The following WWC1 variants were observed in gnomAD, a reference collection of about 807,000 sequenced individuals.
WWC1 encodes WW and C2 domain containing 1.
In WWC1, 55 loss-of-function variants were observed where a neutral mutation model predicts 138.4. That is an observed-to-expected ratio of 0.40 (90% CI 0.32 to 0.50). The LOEUF is 0.50. Among genes scored for constraint, WWC1 ranks in the 20% least tolerant of loss-of-function variants. The probability of loss-of-function intolerance (pLI) is 0.72; values close to 1 mark genes in which losing one functional copy is unlikely to be tolerated. For synonymous variants in WWC1, 524 were observed against 564.9 expected, an observed-to-expected ratio of 0.93 and a Z score of 1.03; for missense variants, 1,226 against 1,420.4, an observed-to-expected ratio of 0.86 and a Z score of 2.20.
chr5:168,338,110 A>G (rs1293823372), intron 1 of WWC1, among the ~76,000 whole-genome samples: 2 of 152,050 alleles, frequency 1.3e-5, no homozygotes, highest in Non-Finnish European at 2.9e-5. Context: ...CAGGAGTTCG[A>G]GACCGGTCTG....
chr5:168,316,595 T>A (rs1201678700), intron 1 of WWC1: 2 of 152,356 alleles, frequency 1.3e-5, no homozygotes, highest in Non-Finnish European at 2.9e-5. Context: ...ACGTCTGCAG[T>A]AGGTGAAGAA....
chr5:168,391,007 A>T (rs1286700518), intron 3 of WWC1, among the ~76,000 whole-genome samples: 1 of 152,236 alleles, frequency 6.6e-6, no homozygotes, highest in African/African-American at 2.4e-5. Context: ...ACTGGTAAAG[A>T]GTGGCAAGGT....
chr5:168,410,087 C>A, intron 8 of WWC1, 92 bp downstream of exon 8: 1 of 1,226,804 alleles, frequency 8.2e-7, no homozygotes, highest in Non-Finnish European at 1.2e-6. Context: ...TCACACACTT[C>A]GTCTTCTTTA....
At chr5:168,465,272 G>A (rs12523382) in intron 21 of WWC1, among the ~76,000 whole-genome samples, 18,726 of 152,126 alleles carry the variant, frequency 0.12, 1,961 homozygotes, top group East Asian at 0.27. Context: ...AAATACGTAG[G>A]GTACCCAGTC....
chr5:168,302,093 C>T (rs1265733926), intron 1 of WWC1, among the ~76,000 whole-genome samples: 1 of 152,206 alleles, frequency 6.6e-6, no homozygotes, highest in Non-Finnish European at 1.5e-5. Context: ...TTGCAGTTGT[C>T]ATGGCAGAGC....
At chr5:168,322,652 A>G (rs1242421989) in intron 1 of WWC1, among the ~76,000 whole-genome samples, 1 of 152,338 alleles carries the variant, frequency 6.6e-6, no homozygotes, top group Non-Finnish European at 1.5e-5. Flanking sequence ...GTAGAGATCA[A>G]TAATAACAGT....
At chr5:168,459,997 G>A (rs1756663081) in intron 19 of WWC1, among the ~76,000 whole-genome samples, 1 of 152,208 alleles carries the variant, frequency 6.6e-6, no homozygotes, top group South Asian at 2.1e-4. Context: ...TCTGGTCTTA[G>A]ATGGGGAATA....
intron 1 of WWC1, among the ~76,000 whole-genome samples, chr5:168,362,038 G>A (rs922192816): frequency 4.6e-5 from 7 of 152,150 alleles, no homozygotes; most frequent in African/African-American, 9.7e-5. Flanking sequence ...AGCCTAGACC[G>A]TGCCAATGCT....
chr5:168,450,790 A>C (rs1213764165), intron 17 of WWC1, among the ~76,000 whole-genome samples: 1 of 152,242 alleles, frequency 6.6e-6, no homozygotes, highest in Non-Finnish European at 1.5e-5. Context: ...AAGATTTCTT[A>C]GGACATAAAA....
Position 168,448,616 on chromosome 5 carries a change from ATT to A in WWC1, c.2525+4050_2525+4051del, listed in dbSNP as rs756135846. 4.3e-3 allele frequency among the ~76,000 whole-genome samples: 509 copies of A among 117,556 alleles called. 4 individuals carry two copies. The highest frequency in any genetic ancestry group is 0.015 in the African/African-American group (423 of 28,628). 77.1% of individuals were successfully genotyped at this position (117,556 alleles called of 152,430 possible). ...CATCATAGAATAGTTCTCAAATAAG[ATT>A]TTTTTTTTTTTTTTTTTTGAGACGG... On this transcript the variant is annotated intron_variant, in intron 17 of 22. Coordinates refer to ENST00000265293, the MANE Select transcript of WWC1 (RefSeq NM_015238.3).
chr5:168,314,330 G>A (rs1771381336), intron 1 of WWC1, among the ~76,000 whole-genome samples: 1 of 152,126 alleles, frequency 6.6e-6, no homozygotes, highest in African/African-American at 2.4e-5. Flanking sequence ...CACTTTGGGA[G>A]GCTGAGGCGG....
chr5:168,455,466 C>T lies in WWC1; in HGVS notation c.2769C>T (p.Thr923=). 1 of 1,613,028 alleles carries T rather than the reference C, an allele frequency of 6.2e-7. No individual in the cohort carries two copies. The highest frequency in any genetic ancestry group is 1.1e-5 in the South Asian group (1 of 90,766). ...PSQGPFLRGS[T]IIRSKTFSPG... ...AGGGGCCATTTCTTCGAGGGAGCAC[C>T]ATCATCCGCTCTAAGACCTTCTCCC... The change falls in exon 19 of 23, where the codon ACC becomes ACT. Residue 923 remains threonine, a synonymous_variant. Transcript: ENST00000265293.
At chr5:168,409,344 G>A (rs1049836323) in intron 7 of WWC1, among the ~76,000 whole-genome samples, 2 of 152,194 alleles carry the variant, frequency 1.3e-5, no homozygotes, top group East Asian at 1.9e-4. Context: ...GAGCCTTGTA[G>A]CTTCTTGCTG....
chr5:168,414,828 G>A, intron 9 of WWC1: 1 of 554,606 alleles, frequency 1.8e-6, no homozygotes, highest in Non-Finnish European at 3.1e-6. Context: ...GTCTGCTTAG[G>A]TGCAGGTGTT....
At chr5:168,322,963 GAC>G (rs1361384337) in intron 1 of WWC1, among the ~76,000 whole-genome samples, 2 of 152,190 alleles carry the variant, frequency 1.3e-5, no homozygotes, top group African/African-American at 4.8e-5. Flanking sequence ...ACTTCATATT[GAC>G]AGTGTCCAGC....
chr5:168,471,648 A>T lies in WWC1; in HGVS notation c.*2631A>T, dbSNP rs1757676366. 1 of 152,276 alleles carries T rather than the reference A, an allele frequency of 6.6e-6. No individual in the cohort carries two copies. Among genetic ancestry groups the T allele is most frequent in the Admixed American group, 6.5e-5 (1 of 15,286 alleles). The allele number at this position is 152,276 out of a possible 1,614,324, so 9.4% of individuals were successfully genotyped here. On this transcript the variant is annotated 3_prime_UTR_variant, in exon 23 of 23. Coordinates refer to ENST00000265293, the MANE Select transcript of WWC1 (RefSeq NM_015238.3). The stretch of plus-strand genomic sequence containing the variant: ...TCCCTTTGGCTCCCATGATTAGACC[A>T]AGGAGAGGCATGGGGTCCAGCTGAG...
At chr5:168,400,987 GAAAGAAAGAAAA>G (rs1432345946) in intron 5 of WWC1, among the ~76,000 whole-genome samples, 1 of 149,794 alleles carries the variant, frequency 6.7e-6, no homozygotes, top group Non-Finnish European at 1.5e-5. Flanking sequence ...TCTCTCCAAA[GAAAGAAAGAAAA>G]AAAGAAAGGA....
chr5:168,302,292 A>G (rs767392691), intron 1 of WWC1, among the ~76,000 whole-genome samples: 52 of 152,328 alleles, frequency 3.4e-4, no homozygotes, highest in Middle Eastern at 3.4e-3. Flanking sequence ...GGGGTTGGCC[A>G]TTCACTCAGC....
At chr5:168,380,359 C>A (rs556570882) in intron 2 of WWC1, among the ~76,000 whole-genome samples, 1 of 152,194 alleles carries the variant, frequency 6.6e-6, no homozygotes, top group African/African-American at 2.4e-5. Context: ...GTAGTCCCAG[C>A]TACTTGGGAG....
Sources: gnomAD v4.1 joint callset for allele counts (sites outside exome capture counted in the v4.1 genomes callset) on GRCh38, gnomAD v4.1.1 for gene constraint, MANE v1.5 for transcripts, NCBI Gene and HGNC (gene_info 2026-07-23, HGNC 2026-07-21) for gene names.